The following ZFYVE16 variants were observed in gnomAD, a reference collection of about 807,000 sequenced individuals.
ZFYVE16 encodes zinc finger FYVE-type containing 16.
Under a neutral mutation model 138.1 loss-of-function variants are expected in ZFYVE16, and 89 were observed. That is an observed-to-expected ratio of 0.64 (90% CI 0.54 to 0.77). The LOEUF (loss-of-function observed/expected upper bound fraction) is 0.77, where lower values mean the gene tolerates loss of function less well. Among genes scored for constraint, ZFYVE16 ranks in the 30% least tolerant of loss-of-function variants. ZFYVE16 has a pLI of 0.00. For missense variants in ZFYVE16, 1,793 were observed against 1,786.7 expected, an observed-to-expected ratio of 1.00 and a Z score of -0.06; for synonymous variants, 596 against 618.3, an observed-to-expected ratio of 0.96 and a Z score of 0.53.
At chr5:80,433,020 T>G (rs1291284459) in intron 2 of ZFYVE16, among the ~76,000 whole-genome samples, 1 of 152,168 alleles carries the variant, frequency 6.6e-6, no homozygotes, top group Non-Finnish European at 1.5e-5. Context: ...ATTGTGGACG[T>G]CAGTGTGGCG....
At chr5:80,458,378 T>G (rs1179526385) in intron 14 of ZFYVE16, among the ~76,000 whole-genome samples, 1 of 152,182 alleles carries the variant, frequency 6.6e-6, no homozygotes, top group Non-Finnish European at 1.5e-5. Flanking sequence ...TATCAGTTCT[T>G]ATATATCCTT....
Position 80,469,874 on chromosome 5 carries a change from A to C in ZFYVE16, c.4025-2887A>C, listed in dbSNP as rs139683715. ...CCTTTGGGCTTTCAGTTTTAGTTAG[A>C]TTGTACTTTTCTGTTCCAGAATTTC... is the stretch of plus-strand genomic sequence containing the variant. On this transcript the variant is annotated intron_variant, in intron 15 of 18. Coordinates refer to ENST00000505560, the MANE Select transcript of ZFYVE16 (RefSeq NM_001284236.3). Among the ~76,000 whole-genome samples the C allele has an allele frequency of 6.2e-3, 926 of 150,398 alleles. 10 individuals carry two copies. The highest frequency in any genetic ancestry group is 0.021 in the African/African-American group (855 of 40,980).
rs542087642 is a variant in ZFYVE16 at position 80,459,631 on chromosome 5, A to AT, written c.4024+137_4024+138insT. 2.2e-3 allele frequency: 1,426 copies of AT among 663,234 alleles called. 5 individuals are homozygous for AT. Among genetic ancestry groups the AT allele is most frequent in the Non-Finnish European group, 2.6e-3 (1,068 of 407,002 alleles). The allele number at this position is 663,234 out of a possible 1,614,324, so 41.1% of individuals were successfully genotyped here. A position where few individuals can be genotyped will look rare whatever the true frequency, so the allele number is the denominator to read the frequency against. On this transcript the variant is annotated intron_variant, in intron 15 of 18. Transcript: ENST00000505560. ...ACAAACTTACATGAAATCATCAACC[A>AT]GCACAAGAAGTAGAAGACTTATCTC...
At chr5:80,420,709 G>T (rs901792503) in intron 1 of ZFYVE16, among the ~76,000 whole-genome samples, 1 of 152,238 alleles carries the variant, frequency 6.6e-6, no homozygotes, top group African/African-American at 2.4e-5. Flanking sequence ...TGGACATTTG[G>T]GTTGGTTCCA....
At chr5:80,473,886 A>G (rs779590756) in intron 17 of ZFYVE16, 27 bp downstream of exon 17, 5 of 1,550,812 alleles carry the variant, frequency 3.2e-6, no homozygotes, top group African/African-American at 1.4e-5. Context: ...GTCCCTTTAC[A>G]TGCTGTGTTT....
intron 2 of ZFYVE16, among the ~76,000 whole-genome samples, chr5:80,428,726 G>A (rs576751998): frequency 2.0e-5 from 3 of 152,134 alleles, no homozygotes; most frequent in Non-Finnish European, 4.4e-5. Flanking sequence ...TAGACGAATG[G>A]CTAACTAGAA....
At chr5:80,464,090 C>CCT (rs1219546749) in intron 15 of ZFYVE16, among the ~76,000 whole-genome samples, 2 of 152,156 alleles carry the variant, frequency 1.3e-5, no homozygotes, top group Admixed American at 6.5e-5. Flanking sequence ...ACTGTTCCAC[C>CCT]CTCTGCCTGT....
chr5:80,435,871 G>T, intron 3 of ZFYVE16: 1 of 207,410 alleles, frequency 4.8e-6, no homozygotes, highest in Non-Finnish European at 1.0e-5. Context: ...CACCATTCCT[G>T]GCCACAACTA....
chr5:80,468,927 A>G (rs1033765567), intron 15 of ZFYVE16, among the ~76,000 whole-genome samples: 9 of 152,000 alleles, frequency 5.9e-5, no homozygotes, highest in African/African-American at 4.8e-5. Context: ...GACTCCTAAT[A>G]TAATAGAAGC....
At chr5:80,447,978 C>A in intron 7 of ZFYVE16, 48 bp from the exon 8 acceptor site, 2 of 1,441,518 alleles carry the variant, frequency 1.4e-6, no homozygotes, top group South Asian at 1.6e-5. Flanking sequence ...CATAGTTGAA[C>A]AGAGAATATG....
In ZFYVE16 at chr5:80,481,675, C is replaced by T. The variant is rs1337521023; in HGVS notation, c.*4298C>T. Among the ~76,000 whole-genome samples the T allele has an allele frequency of 6.6e-6, 1 of 151,922 alleles. No individual in the cohort carries two copies. The highest frequency in any genetic ancestry group is 1.5e-5 in the Non-Finnish European group (1 of 67,976). On this transcript the variant is annotated 3_prime_UTR_variant, in exon 19 of 19. Coordinates refer to ENST00000505560, the MANE Select transcript of ZFYVE16 (RefSeq NM_001284236.3). ...CAGGATAGAGAATATCATAATATTC[C>T]AAATATATCCCAGAAACAACCCAAA...
At chr5:80,431,190 T>A (rs941217223) in intron 2 of ZFYVE16, among the ~76,000 whole-genome samples, 10 of 152,172 alleles carry the variant, frequency 6.6e-5, no homozygotes, top group African/African-American at 2.2e-4. Flanking sequence ...AAATCCTCAA[T>A]CAAATACTGG....
At chr5:80,430,094 A>T (rs1005619684) in intron 2 of ZFYVE16, among the ~76,000 whole-genome samples, 1 of 152,234 alleles carries the variant, frequency 6.6e-6, no homozygotes, top group Non-Finnish European at 1.5e-5. Flanking sequence ...CGGACGTAAT[A>T]GACATCTACC....
At chr5:80,426,528 T>C (rs183982856) in intron 1 of ZFYVE16, among the ~76,000 whole-genome samples, 34 of 151,598 alleles carry the variant, frequency 2.2e-4, no homozygotes, top group African/African-American at 8.0e-4. Flanking sequence ...CTCCCACTTA[T>C]TTTAAGTGAG....
rs1037784095 is a variant in ZFYVE16 at position 80,436,903 on chromosome 5, A to G, written c.218A>G (p.Tyr73Cys). Residue 73 changes from tyrosine (Y) to cysteine (C), a missense_variant, in exon 4 of 19, where the codon TAT becomes TGT. This residue lies in a region of ZFYVE16 where 1,295 missense variants were observed against 1,204.3 expected (regional missense o/e 1.08). Coordinates refer to ENST00000505560, the MANE Select transcript of ZFYVE16 (RefSeq NM_001284236.3). ...VNSCASSETSYGTNESSLNEK... is the reference protein window; with the variant it reads ...VNSCASSETSCGTNESSLNEK... ...AGTTGTGCCTCATCAGAAACAAGCTATGGAACAAATGAGAGTTCCCTGAAT... is the reference window on the plus strand; with the variant it reads ...AGTTGTGCCTCATCAGAAACAAGCTGTGGAACAAATGAGAGTTCCCTGAAT... The G allele has an allele frequency of 6.2e-6, 10 of 1,614,074 alleles. No homozygotes were observed. The highest frequency in any genetic ancestry group is 5.0e-5 in the Admixed American group (3 of 60,010).
At chr5:80,416,830 G>A (rs1332168267) in intron 1 of ZFYVE16, among the ~76,000 whole-genome samples, 2 of 152,060 alleles carry the variant, frequency 1.3e-5, no homozygotes, top group East Asian at 3.9e-4. Flanking sequence ...CAAGATCTGG[G>A]TGCTAAGTAT....
intron 15 of ZFYVE16, among the ~76,000 whole-genome samples, chr5:80,467,607 T>G (rs1364020984): frequency 1.3e-5 from 2 of 152,172 alleles, no homozygotes; most frequent in Admixed American, 6.5e-5. Flanking sequence ...AAAAGCCACA[T>G]AACAACAAAC....
chr5:80,447,299 AGAT>A (rs1340621701), intron 7 of ZFYVE16, among the ~76,000 whole-genome samples: 5 of 150,032 alleles, frequency 3.3e-5, no homozygotes, highest in Non-Finnish European at 7.4e-5. Flanking sequence ...AAGAGAGAAA[AGAT>A]GAATATTTAT....
intron 2 of ZFYVE16, among the ~76,000 whole-genome samples, chr5:80,432,109 A>G (rs1002307975): frequency 2.0e-5 from 3 of 152,164 alleles, no homozygotes; most frequent in Non-Finnish European, 4.4e-5. Flanking sequence ...GGAACCAAAA[A>G]AGGGCCCGCA....
Sources: gnomAD v4.1 joint callset for allele counts (sites outside exome capture counted in the v4.1 genomes callset) on GRCh38, gnomAD v4.1.1 for gene constraint, gnomAD v4.1.1 regional missense constraint, MANE v1.5 for transcripts, NCBI Gene and HGNC (gene_info 2026-07-23, HGNC 2026-07-21) for gene names.